The following MAD1L1 variants were observed in gnomAD, a reference collection of about 807,000 sequenced individuals.
MAD1L1 encodes mitotic arrest deficient 1 like 1.
MAD1L1 carries 95 observed loss-of-function variants against 96.9 expected under a neutral mutation model. That is an observed-to-expected ratio of 0.98 (90% CI 0.83 to 1.16). The LOEUF (loss-of-function observed/expected upper bound fraction) is 1.16, where lower values mean the gene tolerates loss of function less well. Ranked by LOEUF, MAD1L1 falls within the 50% of genes most tolerant of loss-of-function variation. The probability of loss-of-function intolerance (pLI) is 0.00; values close to 1 mark genes in which losing one functional copy is unlikely to be tolerated. For synonymous variants in MAD1L1, 473 were observed against 396.6 expected, an observed-to-expected ratio of 1.19 and a Z score of -2.29; for missense variants, 1,007 against 954.4, an observed-to-expected ratio of 1.06 and a Z score of -0.73.
Position 1,921,852 on chromosome 7 carries a change from C to T in MAD1L1, c.1807+14835G>A, listed in dbSNP as rs144924013. ...GAAAAAAAATCAATTTAGATCTCGA[C>T]CTCATACCATACACCAAAATAAGTT... On this transcript the variant is annotated intron_variant, in intron 17 of 18. Coordinates refer to ENST00000265854, the MANE Select transcript of MAD1L1 (RefSeq NM_001013836.2). Among the ~76,000 whole-genome samples, 58 of 152,254 alleles carry T rather than the reference C, an allele frequency of 3.8e-4. 1 individual carries two copies. In the East Asian group the frequency reaches 0.01, roughly 27 times the overall value.
chr7:1,902,666 T>G (rs576863352), intron 17 of MAD1L1, among the ~76,000 whole-genome samples: 3 of 103,362 alleles, frequency 2.9e-5, no homozygotes, highest in South Asian at 7.6e-4. Flanking sequence ...TACGTGAGCC[T>G]CAGGGTGCAG....
intron 16 of MAD1L1, among the ~76,000 whole-genome samples, chr7:1,939,274 A>G (rs943864164): frequency 6.7e-5 from 10 of 149,906 alleles, no homozygotes; most frequent in African/African-American, 2.5e-4. Flanking sequence ...GCGCGCGCAC[A>G]CATGGGCCAG....
chr7:1,935,470 A>G (rs1388110169), intron 17 of MAD1L1, among the ~76,000 whole-genome samples: 1 of 152,192 alleles, frequency 6.6e-6, no homozygotes, highest in Non-Finnish European at 1.5e-5. Context: ...GCCAGCCACT[A>G]AGCCCCTACC....
chr7:1,985,060 T>G (rs1196800613), intron 14 of MAD1L1, among the ~76,000 whole-genome samples: 1 of 152,216 alleles, frequency 6.6e-6, no homozygotes, highest in Non-Finnish European at 1.5e-5. Context: ...TTGAACTTTA[T>G]AGTCTGTGAC....
At chr7:1,828,941 G>A (rs1782565188) in intron 18 of MAD1L1, among the ~76,000 whole-genome samples, 1 of 152,158 alleles carries the variant, frequency 6.6e-6, no homozygotes, top group African/African-American at 2.4e-5. Context: ...ACGGGGGACG[G>A]ATCCATGCCA....
At chr7:1,854,412 C>G (rs899391462) in intron 18 of MAD1L1, 1 of 459,272 alleles carries the variant, frequency 2.2e-6, no homozygotes. Context: ...CTAGGTGGCT[C>G]GTAAACAGAG....
chr7:2,072,183 G>A (rs1785164640), intron 11 of MAD1L1, among the ~76,000 whole-genome samples: 1 of 152,226 alleles, frequency 6.6e-6, no homozygotes, highest in Non-Finnish European at 1.5e-5. Context: ...GCACCTCCAG[G>A]TAGACAGTGT....
chr7:2,046,270 G>A (rs771396237), intron 12 of MAD1L1, among the ~76,000 whole-genome samples: 9 of 152,278 alleles, frequency 5.9e-5, no homozygotes, highest in East Asian at 3.9e-4. Context: ...GGACGGCAGC[G>A]CAGGCAAATA....
At chr7:2,124,512 G>A (rs1389876235) in intron 11 of MAD1L1, among the ~76,000 whole-genome samples, 1 of 152,154 alleles carries the variant, frequency 6.6e-6, no homozygotes, top group Non-Finnish European at 1.5e-5. Flanking sequence ...GGGGACAGCC[G>A]GCCTGCATGT....
intron 18 of MAD1L1, among the ~76,000 whole-genome samples, chr7:1,841,787 A>T (rs1783276245): frequency 6.6e-6 from 1 of 152,068 alleles, no homozygotes; most frequent in Non-Finnish European, 1.5e-5. Flanking sequence ...CAGTGTCCCC[A>T]CCTGTGAAAT....
intron 10 of MAD1L1, among the ~76,000 whole-genome samples, chr7:2,157,870 T>C (rs1789917373): frequency 1.3e-5 from 2 of 152,214 alleles, no homozygotes; most frequent in South Asian, 4.1e-4. Flanking sequence ...CCAAGGGTGC[T>C]CTGGGGATTA....
intron 6 of MAD1L1, among the ~76,000 whole-genome samples, chr7:2,218,681 A>T (rs112850267): frequency 1.1e-4 from 17 of 152,280 alleles, no homozygotes; most frequent in African/African-American, 4.1e-4. Flanking sequence ...CTGAGGCAGG[A>T]GGATCGCTTG....
intron 18 of MAD1L1, among the ~76,000 whole-genome samples, chr7:1,840,624 G>A (rs1272956557): frequency 1.3e-5 from 2 of 152,246 alleles, no homozygotes; most frequent in Non-Finnish European, 2.9e-5. Flanking sequence ...AGCTACTCGG[G>A]AGGCTGAGGC....
intron 17 of MAD1L1, among the ~76,000 whole-genome samples, chr7:1,928,063 C>G (rs1029287438): frequency 6.6e-6 from 1 of 152,198 alleles, no homozygotes; most frequent in African/African-American, 2.4e-5. Flanking sequence ...CACATCACTT[C>G]TGTCTCCAGC....
At chr7:1,853,083 G>A (rs1023936422) in intron 18 of MAD1L1, among the ~76,000 whole-genome samples, 2 of 152,236 alleles carry the variant, frequency 1.3e-5, no homozygotes, top group Admixed American at 1.3e-4. Context: ...CAGGAGACTG[G>A]AGCCCGGGAG....
chr7:2,230,428 G>A (rs1197479745), intron 2 of MAD1L1, 121 bp downstream of exon 2: 1 of 341,000 alleles, frequency 2.9e-6, no homozygotes, highest in African/African-American at 2.1e-5. Context: ...CGGGAGGCGG[G>A]GCTCAGCACT....
chr7:1,838,616 C>G (rs544659502), intron 18 of MAD1L1: 23 of 393,502 alleles, frequency 5.8e-5, no homozygotes, highest in South Asian at 4.3e-4. Context: ...CCCTGCAACA[C>G]TGCAGGTAGC....
chr7:2,147,545 GACCTCGTCTC>G (rs1378806901), intron 11 of MAD1L1, among the ~76,000 whole-genome samples: 2 of 152,212 alleles, frequency 1.3e-5, no homozygotes, highest in Non-Finnish European at 2.9e-5. Context: ...CAGTACTGAG[GACCTCGTCTC>G]ACCCCCAAGA....
Position 1,957,643 on chromosome 7 carries a change from G to C in MAD1L1, c.1582C>G (p.Arg528Gly). The C allele has an allele frequency of 6.2e-7, 1 of 1,613,904 alleles. No homozygotes were observed. The change falls in exon 16 of 19, where the codon CGG becomes GGG. Residue 528 changes from arginine (R) to glycine (G), a missense_variant. Arg to Gly is a moderately radical substitution (Grantham distance 125). Coordinates refer to ENST00000265854, the MANE Select transcript of MAD1L1 (RefSeq NM_001013836.2). Reference protein sequence around the residue: ...EKRMLEAQLERRALQGDYDQS... With the variant: ...EKRMLEAQLEGRALQGDYDQS... The stretch of plus-strand genomic sequence containing the variant: ...CCCGCCCTCACCTGCAGAGCTCGCC[G>C]CTCCAGCTGTGCCTCCAGCATCCTC...
Sources: gnomAD v4.1 joint callset for allele counts (sites outside exome capture counted in the v4.1 genomes callset) on GRCh38, gnomAD v4.1.1 for gene constraint, MANE v1.5 for transcripts, NCBI Gene and HGNC (gene_info 2026-07-23, HGNC 2026-07-21) for gene names.